PDE1C: variants seen among roughly 807,000 people sequenced by gnomAD.
PDE1C encodes the protein dual specificity calcium/calmodulin-dependent 3',5'-cyclic nucleotide phosphodiesterase 1C.
PDE1C carries 62 observed loss-of-function variants against 93.1 expected under a neutral mutation model. That is an observed-to-expected ratio of 0.67 (90% CI 0.54 to 0.82). The LOEUF (loss-of-function observed/expected upper bound fraction) is 0.82. PDE1C is among the 40% of genes least tolerant of loss of function. The probability of loss-of-function intolerance (pLI) is 0.00; values close to 1 mark genes in which losing one functional copy is unlikely to be tolerated. For synonymous variants in PDE1C, 325 were observed against 310.1 expected (o/e 1.05, Z -0.50); for missense variants, 742 against 884.6 (o/e 0.84, Z 2.04).
At chr7:32,380,301 G>C (rs960426731) in intron 1 of PDE1C, among the ~76,000 whole-genome samples, 1 of 151,130 alleles carries the variant, frequency 6.6e-6, no homozygotes, top group African/African-American at 2.4e-5. Flanking sequence ...GCAGTGGCAT[G>C]ATCTTGGCTC....
intron 2 of PDE1C, among the ~76,000 whole-genome samples, chr7:32,018,960 T>C (rs1012152572): frequency 2.0e-5 from 3 of 152,030 alleles, no homozygotes; most frequent in Non-Finnish European, 4.4e-5. Context: ...GATCTCCTAC[T>C]GTACCATGGA....
chr7:31,949,736 C>T (rs1232167556), intron 2 of PDE1C, among the ~76,000 whole-genome samples: 1 of 152,084 alleles, frequency 6.6e-6, no homozygotes, highest in Non-Finnish European at 1.5e-5. Flanking sequence ...CAAAATAAAG[C>T]ATTTTTATTT....
chr7:32,285,231 C>T (rs935431792), intron 1 of PDE1C, among the ~76,000 whole-genome samples: 9 of 152,170 alleles, frequency 5.9e-5, no homozygotes, highest in African/African-American at 1.7e-4. Context: ...AAACTCCATT[C>T]GAAAACTTTC....
rs1213949615 is a variant in PDE1C, at chr7:32,246,601, C to T, written c.86-37062G>A. 2.6e-5 allele frequency among the ~76,000 whole-genome samples: 4 copies of T among 152,096 alleles called. No individual in the cohort carries two copies. The South Asian group carries it at 6.2e-4, about 24-fold the overall frequency. On this transcript the variant is annotated intron_variant, in intron 1 of 18. Coordinates refer to the PDE1C transcript ENST00000396193. ...ATGTGAGAACATGGAAATATGTAATCCCTATGATGTTCTTTACTGACACAT... is the reference window on the plus strand; with the variant it reads ...ATGTGAGAACATGGAAATATGTAATTCCTATGATGTTCTTTACTGACACAT...
At chr7:31,783,822 T>C (rs1017913206) in intron 16 of PDE1C, 3 of 152,192 alleles carry the variant, frequency 2.0e-5, no homozygotes, top group Non-Finnish European at 2.9e-5. Context: ...ATGGCCATTC[T>C]TTTACCCTGT....
intron 3 of PDE1C, among the ~76,000 whole-genome samples, chr7:32,146,855 AC>A (rs1257715688): frequency 6.6e-6 from 1 of 152,194 alleles, no homozygotes; most frequent in Non-Finnish European, 1.5e-5. Context: ...GGGATTCATA[AC>A]CAAGGGATAA....
chr7:31,930,077 G>T (rs766507255), intron 2 of PDE1C, among the ~76,000 whole-genome samples: 13 of 152,050 alleles, frequency 8.5e-5, no homozygotes, highest in Non-Finnish European at 1.3e-4. Context: ...TGATAAAGGG[G>T]ATATCACCAC....
At chr7:31,805,920 T>C (rs1025212628) in intron 16 of PDE1C, among the ~76,000 whole-genome samples, 1 of 151,934 alleles carries the variant, frequency 6.6e-6, no homozygotes, top group African/African-American at 2.4e-5. Context: ...CATTTCCTGA[T>C]GTCTGGTATC....
Position 32,061,402 on chromosome 7 carries a change from C to T in PDE1C, c.101+8891G>A, listed in dbSNP as rs147353199. 1.4e-4 allele frequency among the ~76,000 whole-genome samples: 22 copies of T among 152,370 alleles called. No homozygotes were observed. In the East Asian group the frequency reaches 4.2e-3, roughly 29 times the overall value. On this transcript the variant is annotated intron_variant, in intron 1 of 17. Transcript: ENST00000396191. ...TGAGCGCTGTGGCCAGAACTGTGGACTGCTCCAGGAGACAAGGCCCAGCCA... is the reference window on the plus strand; with the variant it reads ...TGAGCGCTGTGGCCAGAACTGTGGATTGCTCCAGGAGACAAGGCCCAGCCA...
At chr7:31,681,626 G>A in the PDE1C span, among the ~76,000 whole-genome samples, 7 of 152,112 alleles carry the variant, frequency 4.6e-5, no homozygotes, top group Non-Finnish European at 8.8e-5. Context: ...ATTTCCATCA[G>A]ATTATGAGCT....
chr7:32,389,184 G>T (rs1585138291), intron 1 of PDE1C, among the ~76,000 whole-genome samples: 4 of 139,310 alleles, frequency 2.9e-5, no homozygotes, highest in East Asian at 4.2e-4. Flanking sequence ...GTGTGTGTGT[G>T]TGTGTGGTTT....
Position 31,883,417 on chromosome 7 carries a change from G to T in PDE1C, c.129-2557C>A, listed in dbSNP as rs141981129. ...ATTTAAAAAGATTCTGGAAAGAAGA[G>T]ACAGATAAAATAAAATGCTGATAAT... is the stretch of plus-strand genomic sequence containing the variant. On this transcript the variant is annotated intron_variant, in intron 2 of 17. Coordinates refer to ENST00000396191, the MANE Select transcript of PDE1C (RefSeq NM_001191057.4). Among the ~76,000 whole-genome samples, 13 of 152,284 alleles carry T rather than the reference G, an allele frequency of 8.5e-5. No homozygotes were observed. In the East Asian group the frequency reaches 2.5e-3, roughly 29 times the overall value.
At chr7:32,021,438 T>C (rs929457509) in intron 2 of PDE1C, among the ~76,000 whole-genome samples, 10 of 152,154 alleles carry the variant, frequency 6.6e-5, no homozygotes, top group African/African-American at 1.2e-4. Context: ...AATAACTTTC[T>C]GAGAAGAGAG....
chr7:31,816,537 A>G (rs1788297869), intron 14 of PDE1C, among the ~76,000 whole-genome samples: 1 of 152,130 alleles, frequency 6.6e-6, no homozygotes, highest in Non-Finnish European at 1.5e-5. Context: ...TACAGCAGCT[A>G]CTATTACTGT....
At chr7:32,215,958 C>T (rs750312362) in intron 1 of PDE1C, among the ~76,000 whole-genome samples, 1 of 152,190 alleles carries the variant, frequency 6.6e-6, no homozygotes, top group African/African-American at 2.4e-5. Flanking sequence ...GCTCAAGCAT[C>T]TTATCCAAGT....
intron 2 of PDE1C, among the ~76,000 whole-genome samples, chr7:31,884,119 CAGTG>C (rs1797592793): frequency 6.6e-6 from 1 of 152,148 alleles, no homozygotes; most frequent in Non-Finnish European, 1.5e-5. Context: ...TCCTGGCAGA[CAGTG>C]AGGGAACCTA....
intron 2 of PDE1C, among the ~76,000 whole-genome samples, chr7:32,198,991 C>T (rs373740564): frequency 1.6e-4 from 24 of 152,032 alleles, no homozygotes; most frequent in African/African-American, 4.1e-4. Flanking sequence ...GGCATGGTGG[C>T]GCATGCCTGT....
chr7:31,766,433 A>G (rs1014155662), intron 17 of PDE1C, among the ~76,000 whole-genome samples: 1 of 152,216 alleles, frequency 6.6e-6, no homozygotes, highest in African/African-American at 2.4e-5. Context: ...ACAGAAATGT[A>G]TAAATAATGA....
chr7:31,663,823 G>A, the PDE1C span, among the ~76,000 whole-genome samples: 1 of 152,170 alleles, frequency 6.6e-6, no homozygotes, highest in African/African-American at 2.4e-5. Context: ...TACATACCGT[G>A]TTTGGGAAAT....
Sources: allele counts gnomAD v4.1 joint callset (sites outside exome capture counted in the v4.1 genomes callset), GRCh38; gene constraint gnomAD v4.1.1; transcripts MANE v1.5; gene names NCBI Gene and HGNC (gene_info 2026-07-23, HGNC 2026-07-21).